SPHKAP: variants seen among roughly 807,000 people sequenced by gnomAD.
The protein encoded by SPHKAP is A-kinase anchor protein SPHKAP.
In SPHKAP, 67 loss-of-function variants were observed where a neutral mutation model predicts 137.5. The observed-to-expected ratio is 0.49, with a 90% CI of 0.40 to 0.60. The LOEUF is 0.60. SPHKAP is among the 20% of genes least tolerant of loss of function. The pLI is 0.00. For synonymous variants in SPHKAP, 813 were observed against 785.3 expected, an observed-to-expected ratio of 1.04 and a Z score of -0.59; for missense variants, 2,097 against 2,069.3, an observed-to-expected ratio of 1.01 and a Z score of -0.26.
At chr2:227,982,256 C>G (rs1376238075) in intron 11 of SPHKAP, 19 of 985,092 alleles carry the variant, frequency 1.9e-5, no homozygotes, top group African/African-American at 3.5e-5. Flanking sequence ...CAAATAAGAT[C>G]TCATTGGGTG....
At chr2:228,109,513 G>T in intron 2 of SPHKAP, 2 of 277,364 alleles carry the variant, frequency 7.2e-6, no homozygotes, top group Non-Finnish European at 1.1e-5. Flanking sequence ...GCACGGTATG[G>T]CAAAAATAAT....
intron 3 of SPHKAP, among the ~76,000 whole-genome samples, chr2:228,077,901 C>A (rs1697235295): frequency 6.6e-6 from 1 of 152,084 alleles, no homozygotes; most frequent in Non-Finnish European, 1.5e-5. Flanking sequence ...TGGGAGGAAC[C>A]CAGTGGGAGG....
At chr2:228,047,990 A>T (rs1171737063) in intron 3 of SPHKAP, among the ~76,000 whole-genome samples, 1 of 152,186 alleles carries the variant, frequency 6.6e-6, no homozygotes, top group Non-Finnish European at 1.5e-5. Context: ...TGAAGAGTCC[A>T]TTGTCTTGAT....
chr2:228,052,440 A>G (rs530671490), intron 3 of SPHKAP, among the ~76,000 whole-genome samples: 3 of 152,350 alleles, frequency 2.0e-5, no homozygotes, highest in African/African-American at 7.2e-5. Context: ...CATGGCTTCC[A>G]GTTTAAACAA....
chr2:228,041,039 G>A (rs1403221090), intron 3 of SPHKAP, among the ~76,000 whole-genome samples: 1 of 151,966 alleles, frequency 6.6e-6, no homozygotes, highest in Middle Eastern at 3.2e-3. Context: ...AATGTGCTCT[G>A]GGCTATATAA....
chr2:228,176,585 C>G (rs553430972), intron 1 of SPHKAP, among the ~76,000 whole-genome samples: 2 of 152,322 alleles, frequency 1.3e-5, no homozygotes, highest in East Asian at 3.9e-4. Context: ...CTCCAAATAT[C>G]AAATACAGGG....
intron 3 of SPHKAP, among the ~76,000 whole-genome samples, chr2:228,074,103 A>G (rs986912167): frequency 6.6e-6 from 1 of 152,242 alleles, no homozygotes; most frequent in Non-Finnish European, 1.5e-5. Context: ...CAAAGTTTCC[A>G]TAATGTACTC....
chr2:228,039,422 G>A (rs1032166293), intron 3 of SPHKAP, among the ~76,000 whole-genome samples: 1 of 146,666 alleles, frequency 6.8e-6, no homozygotes, highest in South Asian at 2.3e-4. Context: ...AAATTTGAAT[G>A]TCTATAGGAA....
intron 3 of SPHKAP, among the ~76,000 whole-genome samples, chr2:228,035,997 A>G (rs201439183): frequency 9.4e-5 from 14 of 148,964 alleles, no homozygotes; most frequent in Non-Finnish European, 1.6e-4. Flanking sequence ...CTAAAACACC[A>G]AAGGCAATGG....
intron 3 of SPHKAP, among the ~76,000 whole-genome samples, chr2:228,099,859 G>GT (rs910505174): frequency 2.2e-4 from 32 of 143,918 alleles, no homozygotes; most frequent in South Asian, 1.8e-3. Flanking sequence ...TTTTTTGTTT[G>GT]TTTTTTTTGA....
intron 1 of SPHKAP, among the ~76,000 whole-genome samples, chr2:228,139,626 C>CA (rs747009608): frequency 3.2e-4 from 48 of 152,138 alleles, no homozygotes; most frequent in Non-Finnish European, 5.9e-4. Flanking sequence ...CCCAAGACCC[C>CA]AACTATAATC....
intron 3 of SPHKAP, among the ~76,000 whole-genome samples, chr2:228,071,802 A>C (rs1165366864): frequency 1.3e-5 from 2 of 150,696 alleles, no homozygotes; most frequent in East Asian, 3.9e-4. Flanking sequence ...TTTTTTTTGT[A>C]ATGTCAGGAA....
chr2:228,109,333 G>A, intron 2 of SPHKAP: 1 of 977,634 alleles, frequency 1.0e-6, no homozygotes, highest in Non-Finnish European at 1.2e-6. Context: ...ACAAAATATG[G>A]GGTTTTTCAT....
At chr2:228,043,597 G>T (rs1016316818) in intron 3 of SPHKAP, among the ~76,000 whole-genome samples, 1 of 152,198 alleles carries the variant, frequency 6.6e-6, no homozygotes, top group Non-Finnish European at 1.5e-5. Context: ...AAAGTGCTGG[G>T]ATTACGGGTG....
intron 3 of SPHKAP, among the ~76,000 whole-genome samples, chr2:228,057,336 C>T (rs1452051603): frequency 6.6e-6 from 1 of 152,100 alleles, no homozygotes; most frequent in Non-Finnish European, 1.5e-5. Flanking sequence ...ATAAAATATT[C>T]AAATGTGAAG....
intron 3 of SPHKAP, among the ~76,000 whole-genome samples, chr2:228,096,589 G>T (rs1697989017): frequency 6.6e-6 from 1 of 151,908 alleles, no homozygotes; most frequent in African/African-American, 2.4e-5. Flanking sequence ...CCACTTGTAA[G>T]TGGATCTGTT....
chr2:228,041,646 CAAAAAA>C (rs58570907), intron 3 of SPHKAP, among the ~76,000 whole-genome samples: 4 of 95,940 alleles, frequency 4.2e-5, no homozygotes, highest in Admixed American at 2.3e-4. Context: ...GACTCTGTCT[CAAAAAA>C]AAAAAAAAAA....
intron 1 of SPHKAP, among the ~76,000 whole-genome samples, chr2:228,169,447 G>C (rs550974139): frequency 6.6e-6 from 1 of 151,930 alleles, no homozygotes; most frequent in African/African-American, 2.4e-5. Context: ...TAAGATTTAT[G>C]ATAAATCTAC....
chr2:228,068,698 T>C (rs1008840544), intron 3 of SPHKAP, among the ~76,000 whole-genome samples: 2 of 152,146 alleles, frequency 1.3e-5, no homozygotes, highest in South Asian at 2.1e-4. Flanking sequence ...AAAATCAAAA[T>C]GGATTGAAGA....
Sources: gnomAD v4.1 joint callset for allele counts (sites outside exome capture counted in the v4.1 genomes callset) on GRCh38, gnomAD v4.1.1 for gene constraint, MANE v1.5 for transcripts, NCBI Gene and HGNC (gene_info 2026-07-23, HGNC 2026-07-21) for gene names.